The following TSNARE1 variants were observed in gnomAD, a reference collection of about 807,000 sequenced individuals.
The protein encoded by TSNARE1 is t-SNARE domain containing 1.
In TSNARE1, 49 loss-of-function variants were observed where a neutral mutation model predicts 62.0. The ratio of observed to expected loss-of-function variants is 0.79; its 90% CI spans 0.63 to 1.00. TSNARE1 has a LOEUF of 1.00. TSNARE1 is among the 50% of genes least tolerant of loss of function. The pLI is 0.00. For missense variants in TSNARE1, 755 were observed against 700.1 expected (o/e 1.08, Z -0.88); for synonymous variants, 328 against 294.4 (o/e 1.11, Z -1.17).
intron 12 of TSNARE1, among the ~76,000 whole-genome samples, chr8:142,230,063 C>A (rs941889069): frequency 6.6e-6 from 1 of 152,204 alleles, no homozygotes; most frequent in Non-Finnish European, 1.5e-5. Context: ...CTTGTATATT[C>A]TTGTGGCTAT....
chr8:142,385,886 C>T (rs1050059121), intron 1 of TSNARE1, among the ~76,000 whole-genome samples: 4 of 152,168 alleles, frequency 2.6e-5, no homozygotes, highest in African/African-American at 9.7e-5. Context: ...GGCCATGTTC[C>T]TACTTGGAGA....
Position 142,272,690 on chromosome 8 carries a change from A to G in TSNARE1, c.1446+2091T>C, listed in dbSNP as rs1349300818. 4.2e-6 allele frequency: 4 copies of G among 961,026 alleles called. 1 individual carries two copies. In the Admixed American group the frequency reaches 2.9e-4, roughly 70 times the overall value. 59.5% of individuals were successfully genotyped at this position (961,026 alleles called of 1,614,324 possible). The stretch of plus-strand genomic sequence containing the variant: ...GAGCAGGACATTCTATGCAGAGGCG[A>G]CTTCACAGAGGCCTCATCCCTCCTG... On this transcript the variant is annotated intron_variant, in intron 12 of 13. Coordinates refer to ENST00000524325, the MANE Select transcript of TSNARE1 (RefSeq NM_145003.5).
At chr8:142,379,324 C>T (rs1385651392) in intron 1 of TSNARE1, among the ~76,000 whole-genome samples, 2 of 152,222 alleles carry the variant, frequency 1.3e-5, no homozygotes, top group Admixed American at 6.5e-5. Flanking sequence ...CAAATGCCCC[C>T]AACCTCGCCC....
In TSNARE1 at chr8:142,276,236, A is replaced by G. The variant is rs1472307836; in HGVS notation, c.1364-1373T>C. The G allele has an allele frequency of 4.1e-6, 4 of 985,320 alleles. No homozygotes were observed. In the South Asian group the frequency reaches 1.9e-4, roughly 46 times the overall value. 61.0% of individuals were successfully genotyped at this position (985,320 alleles called of 1,614,324 possible). A position where few individuals can be genotyped will look rare whatever the true frequency, so the allele number is the denominator to read the frequency against. Reference sequence around the variant, plus strand: ...ACGGCCTCGGCCGCTCCTGGAGCAAAGCACCCCTTTGCTCACTTGCAGACA... The same window carrying G: ...ACGGCCTCGGCCGCTCCTGGAGCAAGGCACCCCTTTGCTCACTTGCAGACA... On this transcript the variant is annotated intron_variant, in intron 11 of 13. Transcript: ENST00000524325.
chr8:142,243,769 A>T (rs1478795650), intron 12 of TSNARE1, among the ~76,000 whole-genome samples: 2 of 152,252 alleles, frequency 1.3e-5, no homozygotes, highest in African/African-American at 4.8e-5. Flanking sequence ...TCATCACAAA[A>T]TAAGTATGTG....
At chr8:142,329,380 C>T (rs966267839) in intron 6 of TSNARE1, among the ~76,000 whole-genome samples, 2 of 152,222 alleles carry the variant, frequency 1.3e-5, no homozygotes, top group Non-Finnish European at 1.5e-5. Flanking sequence ...CGGGTGGTGT[C>T]GGTCTTCAGC....
At chr8:142,381,972 C>A (rs935050894) in intron 1 of TSNARE1, among the ~76,000 whole-genome samples, 2 of 152,126 alleles carry the variant, frequency 1.3e-5, no homozygotes, top group Admixed American at 1.3e-4. Flanking sequence ...GTGAGCAGGC[C>A]GCCACCTCCT....
chr8:142,219,177 C>T (rs1159512414), intron 13 of TSNARE1, among the ~76,000 whole-genome samples: 1 of 152,192 alleles, frequency 6.6e-6, no homozygotes, highest in Admixed American at 6.5e-5. Flanking sequence ...CCTGTTTCTG[C>T]TAAGAGGGGA....
At chr8:142,288,040 C>G (rs952102933) in intron 10 of TSNARE1, among the ~76,000 whole-genome samples, 7 of 152,270 alleles carry the variant, frequency 4.6e-5, no homozygotes, top group African/African-American at 1.2e-4. Context: ...TTCCCATGAG[C>G]AGGGGCAGAG....
At chr8:142,270,630 AG>A in intron 12 of TSNARE1, 1 of 985,338 alleles carries the variant, frequency 1.0e-6, no homozygotes, top group Middle Eastern at 5.2e-4. Flanking sequence ...CCAAAGGGAC[AG>A]GGGCTTTCAG....
At chr8:142,219,328 G>A (rs962539734) in intron 13 of TSNARE1, among the ~76,000 whole-genome samples, 1 of 152,216 alleles carries the variant, frequency 6.6e-6, no homozygotes, top group African/African-American at 2.4e-5. Flanking sequence ...GACGAGGAGG[G>A]AGGGGAGGAG....
At chr8:142,242,369 A>G (rs1196375400) in intron 12 of TSNARE1, among the ~76,000 whole-genome samples, 1 of 152,260 alleles carries the variant, frequency 6.6e-6, no homozygotes, top group Admixed American at 6.5e-5. Context: ...GATTTGTTAG[A>G]TATGACCCCA....
rs181562237 is a variant in TSNARE1, at chr8:142,326,356, C to T, written c.893+4545G>A. Reference sequence around the variant, plus strand: ...GAGACAGATGAGGAACCAGCATCAGCGAAGGGGAGGGCCCCAGAGAGCACG... The same window carrying T: ...GAGACAGATGAGGAACCAGCATCAGTGAAGGGGAGGGCCCCAGAGAGCACG... On this transcript the variant is annotated intron_variant, in intron 6 of 13. Transcript: ENST00000524325. The T allele has an allele frequency of 2.1e-3, 225 of 107,096 alleles. 36 individuals carry two copies. The highest frequency in any genetic ancestry group is 7.0e-3 in the Middle Eastern group (2 of 284). 6.6% of individuals were successfully genotyped at this position (107,096 alleles called of 1,614,324 possible).
At chr8:142,248,245 C>G (rs1817989258) in intron 12 of TSNARE1, among the ~76,000 whole-genome samples, 1 of 152,190 alleles carries the variant, frequency 6.6e-6, no homozygotes, top group Admixed American at 6.5e-5. Context: ...AAGTAAATCT[C>G]TGCTCTTTAG....
intron 3 of TSNARE1, 134 bp downstream of exon 3, chr8:142,345,609 G>C: frequency 9.2e-7 from 1 of 1,087,806 alleles, no homozygotes; most frequent in Non-Finnish European, 1.3e-6. Context: ...CAGGGGGCAG[G>C]GGATGCAGGT....
chr8:142,351,931 T>G (rs183655304), intron 2 of TSNARE1, among the ~76,000 whole-genome samples: 6 of 152,316 alleles, frequency 3.9e-5, no homozygotes, highest in African/African-American at 1.4e-4. Flanking sequence ...CAAAGGTCAA[T>G]TACAGTCTTA....
chr8:142,218,375 G>A (rs1816043531), intron 13 of TSNARE1, among the ~76,000 whole-genome samples: 1 of 152,198 alleles, frequency 6.6e-6, no homozygotes, highest in African/African-American at 2.4e-5. Context: ...CACCACGAGG[G>A]CCAGACCACT....
intron 1 of TSNARE1, among the ~76,000 whole-genome samples, chr8:142,396,008 G>T (rs1050778102): frequency 2.6e-5 from 4 of 151,502 alleles, no homozygotes; most frequent in African/African-American, 9.7e-5. Context: ...GGCTCTCTTT[G>T]TCCGTGGCTC....
intron 1 of TSNARE1, among the ~76,000 whole-genome samples, chr8:142,380,388 C>T (rs1226542112): frequency 6.6e-6 from 1 of 152,196 alleles, no homozygotes; most frequent in Non-Finnish European, 1.5e-5. Flanking sequence ...GGACACTCAC[C>T]TGGGGCTCTG....
Sources: gnomAD v4.1 joint callset for allele counts (sites outside exome capture counted in the v4.1 genomes callset) on GRCh38, gnomAD v4.1.1 for gene constraint, MANE v1.5 for transcripts, NCBI Gene and HGNC (gene_info 2026-07-23, HGNC 2026-07-21) for gene names.